Variants in ZNF554 observed in about 807,000 individuals in gnomAD.
ZNF554 encodes zinc finger protein 554.
A neutral mutation model predicts 21.2 loss-of-function variants in ZNF554; 15 were observed. The observed-to-expected ratio is 0.71, with a 90% CI of 0.47 to 1.09. The LOEUF (loss-of-function observed/expected upper bound fraction) is 1.09. Ranked by LOEUF, ZNF554 falls within the 50% of genes least tolerant of loss-of-function variation. The probability of loss-of-function intolerance (pLI) is 0.00; values close to 1 mark genes in which losing one functional copy is unlikely to be tolerated. For missense variants in ZNF554, 691 were observed against 662.7 expected, an observed-to-expected ratio of 1.04 and a Z score of -0.47; for synonymous variants, 258 against 251.4, an observed-to-expected ratio of 1.03 and a Z score of -0.25.
At chr19:2,831,763 C>T (rs1394804400) in intron 3 of ZNF554, 2 of 152,476 alleles carry the variant, frequency 1.3e-5, no homozygotes, top group African/African-American at 4.8e-5. Context: ...CCACACCTGG[C>T]TAGTTTTTTT....
chr19:2,832,391 A>T lies in ZNF554; in HGVS notation c.342A>T (p.Ser114=). Residue 114 remains serine, a synonymous_variant, in exon 4 of 5, where the codon TCA becomes TCT. Coordinates refer to ENST00000317243, the MANE Select transcript of ZNF554 (RefSeq NM_001102651.2). The part of the protein sequence containing the change: ...AQTSQVTSLS[S]WTGYLLFQPV... Reference sequence around the variant, plus strand: ...CCTCACAAGTCACTAGTCTTTCCTCATGGACGGGGTATTTACTTTTTCAAC... The same window carrying T: ...CCTCACAAGTCACTAGTCTTTCCTCTTGGACGGGGTATTTACTTTTTCAAC... The T allele has an allele frequency of 6.2e-7, 1 of 1,613,770 alleles. No individual in the cohort carries two copies. The highest frequency in any genetic ancestry group is 8.5e-7 in the Non-Finnish European group (1 of 1,179,688).
chr19:2,832,265 C>T (rs1444979066), intron 3 of ZNF554, 38 bp from the exon 4 acceptor site: 2 of 1,514,638 alleles, frequency 1.3e-6, no homozygotes, highest in Non-Finnish European at 1.8e-6. Flanking sequence ...AAATCATTAT[C>T]TTGTGCTACC....
At chr19:2,833,340 G>C (rs1323463448) in intron 4 of ZNF554, 1 of 175,638 alleles carries the variant, frequency 5.7e-6, no homozygotes, top group Non-Finnish European at 1.2e-5. Flanking sequence ...TGTTGATCAG[G>C]CTCAAACTCC....
chr19:2,832,213 A>T, intron 3 of ZNF554, 90 bp from the exon 4 acceptor site: 1 of 1,337,920 alleles, frequency 7.5e-7, no homozygotes, highest in Non-Finnish European at 1.0e-6. Flanking sequence ...GGAGTGAGCC[A>T]CCATGCCTGG....
chr19:2,830,851 C>A (rs1055807681), intron 3 of ZNF554: 2 of 152,244 alleles, frequency 1.3e-5, no homozygotes, highest in Admixed American at 6.5e-5. Flanking sequence ...ACAACCTCCA[C>A]CTCCCAGGTT....
chr19:2,819,969 C>T lies in ZNF554; in HGVS notation c.-103C>T. On this transcript the variant is annotated 5_prime_UTR_variant, in exon 1 of 5. Coordinates refer to ENST00000317243, the MANE Select transcript of ZNF554 (RefSeq NM_001102651.2). ...GGCGTCCGCTCCGAGCGCCGAGGAG[C>T]CGAGCGGAGGAGGCGTCCCAGGGAC... 1.0e-6 allele frequency: 1 copy of T among 953,192 alleles called. No individual in the cohort carries two copies. Among genetic ancestry groups the T allele is most frequent in the Non-Finnish European group, 1.3e-6 (1 of 748,294 alleles). The allele number at this position is 953,192 out of a possible 1,614,324, so 59.0% of individuals were successfully genotyped here.
intron 2 of ZNF554, among the ~76,000 whole-genome samples, chr19:2,825,000 G>GT (rs1568332468): frequency 6.1e-5 from 7 of 114,890 alleles, no homozygotes; most frequent in African/African-American, 1.5e-4. Flanking sequence ...CGTGATTGCA[G>GT]TTGTTTTTTT....
At chr19:2,827,813 A>G in intron 3 of ZNF554, 70 bp downstream of exon 3, 1 of 1,563,912 alleles carries the variant, frequency 6.4e-7, no homozygotes, top group Non-Finnish European at 8.8e-7. Context: ...CTGTTCTCAC[A>G]CTGCTAATAA....
At position 2,834,228 on chromosome 19, in the gene ZNF554, G is replaced by A; in HGVS notation, c.993G>A (p.Lys331=). ...EKPFECHQCG[K]VFNRRHSLSE... ...CCTTTGAGTGCCACCAGTGTGGGAA[G>A]GTGTTCAACCGGAGGCATTCTTTGA... Residue 331 remains lysine (K), a synonymous_variant, in exon 5 of 5, where the codon AAG becomes AAA. Coordinates refer to ENST00000317243, the MANE Select transcript of ZNF554 (RefSeq NM_001102651.2). 4 of 1,614,018 alleles carry A rather than the reference G, an allele frequency of 2.5e-6. No individual in the cohort carries two copies. The highest frequency in any genetic ancestry group is 3.4e-6 in the Non-Finnish European group (4 of 1,180,034).
chr19:2,819,882 C>T lies in ZNF554; in HGVS notation c.-190C>T, dbSNP rs912396155. ...TGCGCAGGCGCAGTGCCGAGTTTAC[C>T]TCTGCGCGCGTCGGGGTTGGTGGCG... is the stretch of plus-strand genomic sequence containing the variant. On this transcript the variant is annotated 5_prime_UTR_variant, in exon 1 of 5. Coordinates refer to ENST00000317243, the MANE Select transcript of ZNF554 (RefSeq NM_001102651.2). The T allele has an allele frequency of 6.0e-6, 2 of 331,924 alleles. No homozygotes were observed. The highest frequency in any genetic ancestry group is 2.2e-5 in the African/African-American group (1 of 45,858). The allele number at this position is 331,924 out of a possible 1,614,324, so 20.6% of individuals were successfully genotyped here. A position where few individuals can be genotyped will look rare whatever the true frequency, so the allele number is the denominator to read the frequency against.
rs765998053 is a variant in ZNF554 at position 2,834,869 on chromosome 19, TG to T, written c.*18del. 1.4e-5 allele frequency: 22 copies of T among 1,552,904 alleles called. No individual in the cohort carries two copies. Among genetic ancestry groups the T allele is most frequent in the Non-Finnish European group, 1.8e-5 (21 of 1,147,682 alleles). Reference sequence around the variant, plus strand: ...GGATATTAGCAATTGCACGCTGCTTTGTAAGCCACTTTTTAGTACTCTGACA... The same window carrying T: ...GGATATTAGCAATTGCACGCTGCTTTTAAGCCACTTTTTAGTACTCTGACA... On this transcript the variant is annotated 3_prime_UTR_variant, in exon 5 of 5. Transcript: ENST00000317243.
In ZNF554 at chr19:2,834,126, G is replaced by A; in HGVS notation, c.891G>A (p.Val297=). 6.2e-7 allele frequency: 1 copy of A among 1,614,056 alleles called. No homozygotes were observed. The highest frequency in any genetic ancestry group is 1.1e-5 in the South Asian group (1 of 91,086). ...TTCAACACGGGGGGAAGATGTTTGT[G>A]TATTTGGAAAATGGGCAGTCATTGA... The part of the protein sequence containing the change: ...HFIQHGGKMF[V]YLENGQSLNH... Residue 297 remains valine, a synonymous_variant, in exon 5 of 5, where the codon GTG becomes GTA. Coordinates refer to ENST00000317243, the MANE Select transcript of ZNF554 (RefSeq NM_001102651.2).
rs761756298 is a variant in ZNF554, at chr19:2,834,525, C to T, written c.1290C>T (p.His430=). ...SSYLILHKRT[H]TGEKPYECSE... is the part of the protein sequence containing the mutation. Reference sequence around the variant, plus strand: ...ACCTGATCTTGCACAAGAGGACACACACCGGAGAGAAGCCCTACGAATGCA... The same window carrying T: ...ACCTGATCTTGCACAAGAGGACACATACCGGAGAGAAGCCCTACGAATGCA... The change falls in exon 5 of 5, where the codon CAC becomes CAT. Residue 430 remains histidine, a synonymous_variant. Transcript: ENST00000317243. 2 of 1,614,080 alleles carry T rather than the reference C, an allele frequency of 1.2e-6. No homozygotes were observed. The highest frequency in any genetic ancestry group is 1.7e-6 in the Non-Finnish European group (2 of 1,180,026).
chr19:2,832,187 A>G, intron 3 of ZNF554, 116 bp from the exon 4 acceptor site: 2 of 1,051,454 alleles, frequency 1.9e-6, no homozygotes, highest in Non-Finnish European at 2.7e-6. Flanking sequence ...CGGCCTCCCA[A>G]ATTGCTGGGA....
At chr19:2,827,356 G>T (rs1381373876) in intron 2 of ZNF554, among the ~76,000 whole-genome samples, 1 of 152,190 alleles carries the variant, frequency 6.6e-6, no homozygotes, top group Non-Finnish European at 1.5e-5. Flanking sequence ...AGAATCACCA[G>T]TTCAATAAGA....
intron 2 of ZNF554, among the ~76,000 whole-genome samples, chr19:2,826,535 G>A (rs916037588): frequency 2.0e-5 from 3 of 151,918 alleles, no homozygotes; most frequent in Admixed American, 1.3e-4. Context: ...ACCAGCTTAC[G>A]TGCTGTTTTA....
chr19:2,826,772 A>C (rs1233409918), intron 2 of ZNF554, among the ~76,000 whole-genome samples: 1 of 147,776 alleles, frequency 6.8e-6, no homozygotes, highest in Non-Finnish European at 1.5e-5. Context: ...TGCCATTCTC[A>C]TGCCTCAGCC....
At chr19:2,820,259 CG>C in intron 1 of ZNF554, 135 bp downstream of exon 1, 2 of 851,954 alleles carry the variant, frequency 2.3e-6, no homozygotes, top group Non-Finnish European at 3.1e-6. Flanking sequence ...GGTCGGGAGC[CG>C]GCAGCTCGCC....
Position 2,834,380 on chromosome 19 carries a change from G to T in ZNF554, c.1145G>T (p.Cys382Phe). The T allele has an allele frequency of 1.2e-6, 2 of 1,613,978 alleles. No homozygotes were observed. Among genetic ancestry groups the T allele is most frequent in the Non-Finnish European group, 1.7e-6 (2 of 1,179,996 alleles). ...CATACTGGAGAGAAGCCCTACGGGT[G>T]CGGTGAGTGCGGGAAAGCCTTCAAC... Reference protein sequence around the residue: ...RTHTGEKPYGCGECGKAFNRI... With the variant: ...RTHTGEKPYGFGECGKAFNRI... Residue 382 changes from cysteine to phenylalanine, a missense_variant, in exon 5 of 5, where the codon TGC (cysteine) becomes TTC (phenylalanine). Coordinates refer to ENST00000317243, the MANE Select transcript of ZNF554 (RefSeq NM_001102651.2).
Sources: gnomAD v4.1 joint callset for allele counts (sites outside exome capture counted in the v4.1 genomes callset) on GRCh38, gnomAD v4.1.1 for gene constraint, MANE v1.5 for transcripts, NCBI Gene and HGNC (gene_info 2026-07-23, HGNC 2026-07-21) for gene names.